Variants in KAT7 observed in about 807,000 individuals in gnomAD.
KAT7 encodes the protein lysine acetyltransferase 7, also known as histone acetyltransferase KAT7.
In KAT7, 10 loss-of-function variants were observed where a neutral mutation model predicts 82.1. The ratio of observed to expected loss-of-function variants is 0.12; its 90% CI spans 0.08 to 0.21. The LOEUF is 0.21. Among genes scored for constraint, KAT7 ranks in the 10% least tolerant of loss-of-function variants. The pLI is 1.00. For missense variants in KAT7, 378 were observed against 760.9 expected (o/e 0.50, Z 5.92); for synonymous variants, 250 against 262.5 (o/e 0.95, Z 0.46).
chr17:49,825,098 A>G (rs1158917211), intron 12 of KAT7, among the ~76,000 whole-genome samples: 1 of 151,916 alleles, frequency 6.6e-6, no homozygotes, highest in Non-Finnish European at 1.5e-5. Flanking sequence ...CACTCCCATC[A>G]TTTTTTTCTT....
chr17:49,794,533 G>T (rs1433823532), intron 2 of KAT7, among the ~76,000 whole-genome samples: 1 of 152,176 alleles, frequency 6.6e-6, no homozygotes, highest in Admixed American at 6.5e-5. Flanking sequence ...TGATCTGCCC[G>T]CCTCGGCCTC....
chr17:49,801,082 G>A (rs2074018500), intron 4 of KAT7, among the ~76,000 whole-genome samples: 1 of 152,150 alleles, frequency 6.6e-6, no homozygotes, highest in Non-Finnish European at 1.5e-5. Flanking sequence ...GGTCAGAATG[G>A]GGCCTGATTG....
chr17:49,820,010 TTTGGGAGGCTGAA>T (rs1255317367), intron 9 of KAT7, among the ~76,000 whole-genome samples: 29 of 152,216 alleles, frequency 1.9e-4, no homozygotes, highest in Non-Finnish European at 2.5e-4. Context: ...ATCCCAGCAC[TTTGGGAGGCTGAA>T]GTGGGAGGAT....
At chr17:49,793,455 CCT>C (rs1443497380) in intron 2 of KAT7, among the ~76,000 whole-genome samples, 1 of 152,010 alleles carries the variant, frequency 6.6e-6, no homozygotes, top group African/African-American at 2.4e-5. Context: ...TCTGGTATTC[CCT>C]GAGGAGGAAA....
intron 5 of KAT7, among the ~76,000 whole-genome samples, chr17:49,808,115 GTTTTCTT>G (rs1378980654): frequency 1.4e-5 from 2 of 141,878 alleles, no homozygotes; most frequent in Non-Finnish European, 3.1e-5. Flanking sequence ...TTGAACCCAG[GTTTTCTT>G]TTTTTTTTTT....
chr17:49,807,277 GAGGGTAGGGAT>G (rs1393004068), intron 5 of KAT7, among the ~76,000 whole-genome samples: 4 of 152,232 alleles, frequency 2.6e-5, no homozygotes, highest in Non-Finnish European at 5.9e-5. Flanking sequence ...TTTCGGGGGT[GAGGGTAGGGAT>G]AGCACTGCTT....
intron 2 of KAT7, among the ~76,000 whole-genome samples, chr17:49,792,571 A>G (rs887004737): frequency 3.9e-5 from 6 of 152,140 alleles, no homozygotes; most frequent in East Asian, 3.9e-4. Context: ...AGTGGTGGCA[A>G]TGAGCCATAA....
rs905777312 is a variant in KAT7, at chr17:49,829,119, C to T, written c.*1617C>T. On this transcript the variant is annotated 3_prime_UTR_variant, in exon 15 of 15. Coordinates refer to ENST00000259021, the MANE Select transcript of KAT7 (RefSeq NM_007067.5). ...CAAGTCTGTTTCATCTGGGGGCTCT[C>T]ATTTATATATGAAAATGATGCACAC... The T allele has an allele frequency of 6.6e-6, 1 of 152,516 alleles. No individual in the cohort carries two copies. The highest frequency in any genetic ancestry group is 2.4e-5 in the African/African-American group (1 of 41,426). 9.4% of individuals were successfully genotyped at this position (152,516 alleles called of 1,614,324 possible). A position where few individuals can be genotyped will look rare whatever the true frequency, so the allele number is the denominator to read the frequency against.
At chr17:49,813,000 C>CTTTTTTTTTTTTTTT (rs34339283) in intron 7 of KAT7, among the ~76,000 whole-genome samples, 42 of 102,722 alleles carry the variant, frequency 4.1e-4, no homozygotes, top group East Asian at 5.5e-4. Context: ...TGCACCCAGC[C>CTTTTTTTTTTTTTTT]TTTTTTTTTT....
Position 49,791,861 on chromosome 17 carries a change from A to G in KAT7, c.16-25A>G, listed in dbSNP as rs1355767408. On this transcript the variant is annotated intron_variant, in intron 1 of 14. Coordinates refer to ENST00000259021, the MANE Select transcript of KAT7 (RefSeq NM_007067.5). Reference sequence around the variant, plus strand: ...CTCTCAGACCAAATGCTTCTGTGCTAATATCTGGATCTATGGTATTACAGA... The same window carrying G: ...CTCTCAGACCAAATGCTTCTGTGCTGATATCTGGATCTATGGTATTACAGA... 15 of 1,609,748 alleles carry G rather than the reference A, an allele frequency of 9.3e-6. No individual in the cohort carries two copies. The South Asian group carries it at 1.6e-4, about 18-fold the overall frequency.
rs2073962172 is a variant in KAT7, at chr17:49,796,803, T to C, written c.217T>C (p.Ser73Pro). The C allele has an allele frequency of 6.2e-7, 1 of 1,614,004 alleles. No individual in the cohort carries two copies. The highest frequency in any genetic ancestry group is 8.5e-7 in the Non-Finnish European group (1 of 1,179,940). ...QSFGTEEPAY[S>P]TRRVTRSQQQ... is the part of the protein sequence containing the mutation. ...TTTTGGCACTGAGGAGCCTGCTTACTCTACCAGAAGAGTGACCCGTAGTCA... is the reference window on the plus strand; with the variant it reads ...TTTTGGCACTGAGGAGCCTGCTTACCCTACCAGAAGAGTGACCCGTAGTCA... Residue 73 changes from serine to proline, a missense_variant, in exon 3 of 15, where the codon TCT (serine) becomes CCT (proline). This residue lies in a region of KAT7 where 161 missense variants were observed against 229.6 expected (regional missense o/e 0.70). Coordinates refer to ENST00000259021, the MANE Select transcript of KAT7 (RefSeq NM_007067.5).
At chr17:49,805,309 C>A in intron 4 of KAT7, 54 bp from the exon 5 acceptor site, 1 of 1,235,922 alleles carries the variant, frequency 8.1e-7, no homozygotes, top group Non-Finnish European at 1.2e-6. Context: ...GAGAAACATA[C>A]TACTTTCTAA....
chr17:49,826,257 T>C (rs1343650330), intron 13 of KAT7, 111 bp downstream of exon 13: 16 of 1,065,426 alleles, frequency 1.5e-5, no homozygotes, highest in Non-Finnish European at 2.2e-5. Flanking sequence ...TATGGACCAC[T>C]GCGGAGACCC....
Position 49,815,881 on chromosome 17 carries a change from C to G in KAT7, c.931C>G (p.Arg311Gly). 6.2e-7 allele frequency: 1 copy of G among 1,613,574 alleles called. No individual in the cohort carries two copies. The highest frequency in any genetic ancestry group is 8.5e-7 in the Non-Finnish European group (1 of 1,179,616). Residue 311 changes from arginine (R) to glycine (G), a missense_variant, in exon 8 of 15, where the codon CGA (arginine) becomes GGA (glycine). This residue lies in a region of KAT7 where 102 missense variants were observed against 129.8 expected (regional missense o/e 0.79). Coordinates refer to ENST00000259021, the MANE Select transcript of KAT7 (RefSeq NM_007067.5). ...LTSEYDLDLFRRAQARASEDL... is the reference protein window; with the variant it reads ...LTSEYDLDLFGRAQARASEDL... ...AAGCGAGTATGACTTGGATCTTTTC[C>G]GAAGAGCACAAGCCCGGGCTTCAGA...
intron 7 of KAT7, 90 bp from the exon 8 acceptor site, chr17:49,815,713 T>G (rs2074225422): frequency 1.3e-6 from 1 of 798,082 alleles, no homozygotes; most frequent in African/African-American, 1.7e-5. Flanking sequence ...AGCTTATGGT[T>G]GTGTGGTTTG....
At position 49,828,010 on chromosome 17, in the gene KAT7, G is replaced by C. The variant is rs193110946; in HGVS notation, c.*508G>C. The C allele has an allele frequency of 1.2e-4, 18 of 154,160 alleles. No homozygotes were observed. Among genetic ancestry groups the C allele is most frequent in the Admixed American group, 3.2e-4 (5 of 15,398 alleles). The allele number at this position is 154,160 out of a possible 1,614,324, so 9.5% of individuals were successfully genotyped here. Reference sequence around the variant, plus strand: ...ATTGGCAGGGGGTCCATTCACTTTGGGTTCCATCTTGCTTTAAATTTCTTC... The same window carrying C: ...ATTGGCAGGGGGTCCATTCACTTTGCGTTCCATCTTGCTTTAAATTTCTTC... On this transcript the variant is annotated 3_prime_UTR_variant, in exon 15 of 15. Transcript: ENST00000259021.
intron 7 of KAT7, 74 bp from the exon 8 acceptor site, chr17:49,815,729 A>G (rs2074225519): frequency 3.3e-6 from 3 of 900,538 alleles, no homozygotes; most frequent in Non-Finnish European, 5.6e-6. Context: ...GTTTGCATGG[A>G]TTGAAATGAA....
At chr17:49,793,883 T>TA (rs2073920847) in intron 2 of KAT7, among the ~76,000 whole-genome samples, 1 of 152,086 alleles carries the variant, frequency 6.6e-6, no homozygotes, top group Non-Finnish European at 1.5e-5. Context: ...TTTGGTCACT[T>TA]TTATATGAGT....
chr17:49,805,537 A>G lies in KAT7; in HGVS notation c.663+92A>G, dbSNP rs2074080409. 6.7e-5 allele frequency: 53 copies of G among 795,600 alleles called. No homozygotes were observed. In the South Asian group the frequency reaches 8.5e-4, roughly 13 times the overall value. 49.3% of individuals were successfully genotyped at this position (795,600 alleles called of 1,614,324 possible). A position where few individuals can be genotyped will look rare whatever the true frequency, so the allele number is the denominator to read the frequency against. On this transcript the variant is annotated intron_variant, in intron 5 of 14. Coordinates refer to ENST00000259021, the MANE Select transcript of KAT7 (RefSeq NM_007067.5). ...GAACACTGGGGATACAGTGGCCAAC[A>G]AGATGGGTAGGGTCCTTGTTCTTAC... is the stretch of plus-strand genomic sequence containing the variant.
Sources: allele counts gnomAD v4.1 joint callset (sites outside exome capture counted in the v4.1 genomes callset), GRCh38; gene constraint gnomAD v4.1.1; regional missense constraint gnomAD v4.1.1; transcripts MANE v1.5; gene names NCBI Gene and HGNC (gene_info 2026-07-23, HGNC 2026-07-21).